Variants in RAPGEF1 observed in about 807,000 individuals in gnomAD.
RAPGEF1 encodes CRK SH3-binding GNRP.
Under a neutral mutation model 143.3 loss-of-function variants are expected in RAPGEF1, and 33 were observed. The ratio of observed to expected loss-of-function variants is 0.23; its 90% CI spans 0.17 to 0.31. The LOEUF (loss-of-function observed/expected upper bound fraction) is 0.31, where lower values mean the gene tolerates loss of function less well. RAPGEF1 is among the 10% of genes least tolerant of loss of function. The probability of loss-of-function intolerance (pLI) is 1.00; values close to 1 mark genes in which losing one functional copy is unlikely to be tolerated. For missense variants in RAPGEF1, 1,199 were observed against 1,645.4 expected (o/e 0.73, Z 4.69); for synonymous variants, 629 against 676.5 (o/e 0.93, Z 1.09).
intron 18 of RAPGEF1, among the ~76,000 whole-genome samples, chr9:131,590,261 C>T (rs1029768138): frequency 1.3e-5 from 2 of 151,482 alleles, no homozygotes; most frequent in Admixed American, 6.6e-5. Context: ...CCATCGGGTT[C>T]ACCCCGAGGT....
chr9:131,593,346 G>A (rs1954685178), intron 17 of RAPGEF1, among the ~76,000 whole-genome samples: 3 of 152,204 alleles, frequency 2.0e-5, no homozygotes, highest in Non-Finnish European at 2.9e-5. Context: ...GAATGAAGTG[G>A]AATTTTAAAA....
chr9:131,733,670 C>T (rs546069684), intron 1 of RAPGEF1, among the ~76,000 whole-genome samples: 6 of 152,084 alleles, frequency 3.9e-5, no homozygotes, highest in African/African-American at 7.2e-5. Context: ...CCTGTCCCGG[C>T]GGCGAGGCGG....
At chr9:131,647,587 C>T (rs935330611) in intron 3 of RAPGEF1, among the ~76,000 whole-genome samples, 7 of 152,224 alleles carry the variant, frequency 4.6e-5, no homozygotes, top group South Asian at 2.1e-4. Flanking sequence ...CAGCAGATGA[C>T]AGACCCACTG....
At chr9:131,658,787 A>G (rs1285373685) in intron 1 of RAPGEF1, among the ~76,000 whole-genome samples, 2 of 152,222 alleles carry the variant, frequency 1.3e-5, no homozygotes, top group Non-Finnish European at 2.9e-5. Context: ...AGATGCCAAT[A>G]TTTCATTCTT....
chr9:131,644,389 C>T (rs758486223), intron 3 of RAPGEF1, among the ~76,000 whole-genome samples: 13 of 132,452 alleles, frequency 9.8e-5, no homozygotes, highest in Non-Finnish European at 1.5e-4. Context: ...GGGAGGCTGT[C>T]CTTTAAAAAA....
At chr9:131,629,317 C>T (rs1164012882) in intron 6 of RAPGEF1, 63 bp from the exon 7 acceptor site, 1 of 1,509,082 alleles carries the variant, frequency 6.6e-7, no homozygotes, top group African/African-American at 1.4e-5. Context: ...CACACACAGG[C>T]CCTGAGAGGG....
At chr9:131,595,008 G>A (rs1038533959) in intron 17 of RAPGEF1, among the ~76,000 whole-genome samples, 5 of 152,236 alleles carry the variant, frequency 3.3e-5, no homozygotes, top group African/African-American at 1.2e-4. Flanking sequence ...AGCCAAGCAA[G>A]GGCTGCACTC....
At chr9:131,716,026 G>A (rs142641940) in intron 1 of RAPGEF1, among the ~76,000 whole-genome samples, 169 of 152,160 alleles carry the variant, frequency 1.1e-3, no homozygotes, top group African/African-American at 3.7e-3. Context: ...CTAGCCCGCC[G>A]ACCCACGTCT....
chr9:131,732,158 G>A (rs1282630110), intron 1 of RAPGEF1, among the ~76,000 whole-genome samples: 1 of 151,920 alleles, frequency 6.6e-6, no homozygotes, highest in Non-Finnish European at 1.5e-5. Flanking sequence ...CCCAGCCCTA[G>A]ACAGCACACG....
chr9:131,662,516 C>T (rs1289002478), intron 1 of RAPGEF1, among the ~76,000 whole-genome samples: 1 of 151,664 alleles, frequency 6.6e-6, no homozygotes, highest in Non-Finnish European at 1.5e-5. Context: ...TACAGGCATG[C>T]GCCACTATGC....
rs1296676490 is a variant in RAPGEF1 at position 131,604,932 on chromosome 9, G to A, written c.2318C>T (p.Ser773Leu). 9.2e-6 allele frequency: 12 copies of A among 1,301,826 alleles called. No individual in the cohort carries two copies. Among genetic ancestry groups the A allele is most frequent in the Admixed American group, 2.3e-5 (1 of 43,506 alleles). 80.6% of individuals were successfully genotyped at this position (1,301,826 alleles called of 1,614,324 possible). Residue 773 changes from serine (S) to leucine (L), a missense_variant and splice_region_variant, in exon 13 of 27, where the codon TCG becomes TTG. Around this residue, in one of 6 missense-constraint regions of RAPGEF1, gnomAD observed 293 missense variants for 356.2 expected, o/e 0.82. Coordinates refer to ENST00000683357, the MANE Select transcript of RAPGEF1 (RefSeq NM_001377935.1). ...TGTGTGTGCACGCTGAGTTCTCACCGAGTCAGTGAAAGAGGTTTCGGAAGG... is the reference window on the plus strand; with the variant it reads ...TGTGTGTGCACGCTGAGTTCTCACCAAGTCAGTGAAAGAGGTTTCGGAAGG... ...CLPSETSFTD[S>L]SENASEEAGE...
chr9:131,645,729 T>A (rs549784356), intron 3 of RAPGEF1, among the ~76,000 whole-genome samples: 95 of 152,366 alleles, frequency 6.2e-4, no homozygotes, highest in Non-Finnish European at 1.2e-3. Flanking sequence ...GCTGCCTCGC[T>A]GCATAACCCG....
chr9:131,694,310 T>C (rs1275484014), intron 1 of RAPGEF1, among the ~76,000 whole-genome samples: 1 of 152,204 alleles, frequency 6.6e-6, no homozygotes, highest in African/African-American at 2.4e-5. Flanking sequence ...TTAGATGTAC[T>C]GAATGAACTT....
chr9:131,665,138 T>C (rs1024298132), intron 1 of RAPGEF1, among the ~76,000 whole-genome samples: 1 of 152,078 alleles, frequency 6.6e-6, no homozygotes, highest in Non-Finnish European at 1.5e-5. Context: ...GCCAGATGAC[T>C]TCATTGTTGG....
chr9:131,591,997 T>C (rs1470154085), intron 18 of RAPGEF1, 102 bp downstream of exon 18: 2 of 881,398 alleles, frequency 2.3e-6, no homozygotes, highest in African/African-American at 1.7e-5. Flanking sequence ...TGCCACCCAA[T>C]ATGCTGCTCG....
At chr9:131,702,405 T>G (rs1465325255) in intron 1 of RAPGEF1, among the ~76,000 whole-genome samples, 3 of 152,216 alleles carry the variant, frequency 2.0e-5, no homozygotes, top group Non-Finnish European at 2.9e-5. Context: ...AGCAAATGAC[T>G]GTGGGAAATT....
chr9:131,706,753 T>C (rs1432576880), intron 1 of RAPGEF1, among the ~76,000 whole-genome samples: 3 of 152,226 alleles, frequency 2.0e-5, no homozygotes, highest in Non-Finnish European at 4.4e-5. Flanking sequence ...AGATGGACTT[T>C]GGACCGCAGT....
intron 9 of RAPGEF1, 124 bp from the exon 10 acceptor site, chr9:131,626,546 T>C: frequency 1.1e-6 from 1 of 889,800 alleles, no homozygotes. Flanking sequence ...TCTCCAGGGC[T>C]TATTTTATAT....
At chr9:131,613,284 G>A (rs1023876166) in intron 12 of RAPGEF1, among the ~76,000 whole-genome samples, 8 of 152,180 alleles carry the variant, frequency 5.3e-5, no homozygotes, top group African/African-American at 1.7e-4. Flanking sequence ...GCAGGAAGGA[G>A]AAACTCGTAT....
Sources: gnomAD v4.1 joint callset for allele counts (sites outside exome capture counted in the v4.1 genomes callset) on GRCh38, gnomAD v4.1.1 for gene constraint, gnomAD v4.1.1 regional missense constraint, MANE v1.5 for transcripts, NCBI Gene and HGNC (gene_info 2026-07-23, HGNC 2026-07-21) for gene names.